USP43: variants seen among roughly 807,000 people sequenced by gnomAD.
USP43 encodes the protein ubiquitin specific peptidase 43.
A neutral mutation model predicts 90.7 loss-of-function variants in USP43; 33 were observed. The observed-to-expected ratio is 0.36, with a 90% confidence interval of 0.28 to 0.49. The LOEUF is 0.49. Among genes scored for constraint, USP43 ranks in the 20% least tolerant of loss-of-function variants. The pLI, the probability that USP43 is intolerant of heterozygous loss-of-function variation, is 0.98. For synonymous variants in USP43, 598 were observed against 615.8 expected, an observed-to-expected ratio of 0.97 and a Z score of 0.43; for missense variants, 1,274 against 1,476.4, an observed-to-expected ratio of 0.86 and a Z score of 2.25.
rs144072043 is a variant in USP43 at position 9,679,785 on chromosome 17, G to C, written c.970-446G>C. On this transcript the variant is annotated intron_variant, in intron 5 of 14. Coordinates refer to ENST00000285199, the MANE Select transcript of USP43 (RefSeq NM_153210.5). The stretch of plus-strand genomic sequence containing the variant: ...GGGTAACAGAGTTGGGTCTAGGGCA[G>C]TCAGGGCCCCCACAGTAGTCACCCC... Among the ~76,000 whole-genome samples the C allele has an allele frequency of 3.4e-3, 519 of 152,218 alleles. 5 individuals are homozygous for C. Among genetic ancestry groups the C allele is most frequent in the African/African-American group, 0.012 (497 of 41,544 alleles).
chr17:9,655,084 GAAAAAA>G (rs57985388), intron 1 of USP43, among the ~76,000 whole-genome samples: 5 of 37,326 alleles, frequency 1.3e-4, no homozygotes, highest in Non-Finnish European at 2.0e-4. Flanking sequence ...AGAAAGAAAG[GAAAAAA>G]AAAAAAAAAA....
chr17:9,713,122 ACT>A (rs1352213436), intron 14 of USP43, among the ~76,000 whole-genome samples: 1 of 151,704 alleles, frequency 6.6e-6, no homozygotes, highest in African/African-American at 2.4e-5. Context: ...ACAGAGTCTC[ACT>A]CTGTCGCAGG....
intron 9 of USP43, among the ~76,000 whole-genome samples, chr17:9,698,810 A>G (rs1489745599): frequency 1.3e-5 from 2 of 152,216 alleles, no homozygotes; most frequent in Admixed American, 1.3e-4. Flanking sequence ...AAAGAGATGT[A>G]AATTTTAGGT....
intron 9 of USP43, among the ~76,000 whole-genome samples, chr17:9,698,941 G>A (rs1915417435): frequency 1.3e-5 from 2 of 152,312 alleles, no homozygotes; most frequent in East Asian, 3.9e-4. Flanking sequence ...TCTCCCCAAT[G>A]GCAGGTCTCC....
chr17:9,710,101 C>T lies in USP43; in HGVS notation c.2157C>T (p.Ser719=), dbSNP rs750748056. The T allele has an allele frequency of 2.0e-6, 3 of 1,515,516 alleles. No individual in the cohort carries two copies. The highest frequency in any genetic ancestry group is 5.0e-5 in the East Asian group (2 of 39,796). The allele number at this position is 1,515,516 out of a possible 1,614,324, so 93.9% of individuals were successfully genotyped here. ...ACAGCATCCCTCCCTGGTCAGCCAG[C>T]AGCTCCATGAGAGGTAGGTGCTGCT... is the stretch of plus-strand genomic sequence containing the variant. The part of the protein sequence containing the change: ...KRNSIPPWSA[S]SSMRGSTSSS... The change falls in exon 13 of 15, where the codon AGC becomes AGT. Residue 719 remains serine (S), a synonymous_variant. Coordinates refer to ENST00000285199, the MANE Select transcript of USP43 (RefSeq NM_153210.5).
chr17:9,720,041 T>C (rs111300777), intron 14 of USP43, among the ~76,000 whole-genome samples: 1,729 of 152,042 alleles, frequency 0.011, 41 homozygotes, highest in African/African-American at 0.04. Flanking sequence ...TGCTCCAGCC[T>C]GGGTGACAGA....
chr17:9,681,616 C>T (rs1433696947), intron 6 of USP43, among the ~76,000 whole-genome samples: 1 of 149,042 alleles, frequency 6.7e-6, no homozygotes, highest in Non-Finnish European at 1.5e-5. Context: ...GCCTCAGCCT[C>T]CCAAGTAGCT....
chr17:9,721,420 T>C (rs1567684966), intron 14 of USP43, among the ~76,000 whole-genome samples: 2 of 152,206 alleles, frequency 1.3e-5, no homozygotes, highest in African/African-American at 2.4e-5. Flanking sequence ...TTTTGTGGAT[T>C]GTGATCCAAG....
In USP43 at chr17:9,728,467, A is replaced by G; in HGVS notation, c.2849A>G (p.Gln950Arg). The G allele has an allele frequency of 6.2e-7, 1 of 1,613,572 alleles. No individual in the cohort carries two copies. The highest frequency in any genetic ancestry group is 1.3e-5 in the African/African-American group (1 of 75,062). The change falls in exon 15 of 15, where the codon CAG becomes CGG. Residue 950 changes from glutamine to arginine, a missense_variant. Coordinates refer to ENST00000285199, the MANE Select transcript of USP43 (RefSeq NM_153210.5). This position sits in a 1 kb window ranked among gnomAD's most constrained non-coding sequence, Gnocchi z 6.2. The part of the protein sequence containing the change: ...EHEKPARPEG[Q>R]KAMNWKESFQ... Reference sequence around the variant, plus strand: ...GAGAAACCAGCTCGACCGGAGGGCCAGAAGGCCATGAACTGGAAGGAGAGC... The same window carrying G: ...GAGAAACCAGCTCGACCGGAGGGCCGGAAGGCCATGAACTGGAAGGAGAGC...
At position 9,681,462 on chromosome 17, in the gene USP43, T is replaced by TCATA. The variant is rs1555550104; in HGVS notation, c.1105+1096_1105+1097insCATA. ...TATAGATAAATATATATAAAATATA[T>TCATA]TATATATATATATATATATATATAT... On this transcript the variant is annotated intron_variant, in intron 6 of 14. Coordinates refer to ENST00000285199, the MANE Select transcript of USP43 (RefSeq NM_153210.5). Among the ~76,000 whole-genome samples, 27 of 18,582 alleles carry TCATA rather than the reference T, an allele frequency of 1.5e-3. No individual in the cohort carries two copies. In the Admixed American group the frequency reaches 0.017, roughly 12 times the overall value. The allele number at this position is 18,582 out of a possible 152,430, so 12.2% of individuals were successfully genotyped here.
chr17:9,679,589 G>T (rs539060373), intron 5 of USP43, among the ~76,000 whole-genome samples: 2 of 140,872 alleles, frequency 1.4e-5, no homozygotes, highest in African/African-American at 5.3e-5. Context: ...GCAGTGGCAC[G>T]ATCTCGGCTC....
chr17:9,645,930 G>C lies in USP43; in HGVS notation c.298G>C (p.Ala100Pro), dbSNP rs1418556683. 6.8e-7 allele frequency: 1 copy of C among 1,476,452 alleles called. No homozygotes were observed. The highest frequency in any genetic ancestry group is 9.0e-7 in the Non-Finnish European group (1 of 1,116,736). 91.5% of individuals were successfully genotyped at this position (1,476,452 alleles called of 1,614,324 possible). A position where few individuals can be genotyped will look rare whatever the true frequency, so the allele number is the denominator to read the frequency against. ...CGGCGATGGGGCGCGGCCGCCGGGC[G>C]CTCAGGGCTTGAAGAACCACGGCAA... ...PAGDGARPPGAQGLKNHGNTC... is the reference protein window; with the variant it reads ...PAGDGARPPGPQGLKNHGNTC... Residue 100 changes from alanine to proline, a missense_variant, in exon 1 of 15, where the codon GCT becomes CCT. Ala to Pro is a conservative substitution (Grantham distance 27, BLOSUM62 -1). Transcript: ENST00000285199. The surrounding 1 kb of genome is among the most constrained non-coding windows in gnomAD (Gnocchi z 6.8).
intron 2 of USP43, among the ~76,000 whole-genome samples, chr17:9,657,891 T>C (rs1912373917): frequency 6.6e-6 from 1 of 150,640 alleles, no homozygotes. Context: ...TTTAACAACA[T>C]CTGTGAATAA....
At chr17:9,704,046 T>C (rs375606481) in intron 12 of USP43, among the ~76,000 whole-genome samples, 7 of 152,168 alleles carry the variant, frequency 4.6e-5, no homozygotes, top group African/African-American at 1.7e-4. Flanking sequence ...TCAGCAATGT[T>C]GCTCCGTGTG....
intron 14 of USP43, among the ~76,000 whole-genome samples, chr17:9,721,890 C>T (rs1314543437): frequency 1.4e-5 from 2 of 140,444 alleles, no homozygotes; most frequent in Admixed American, 7.1e-5. Context: ...GCCACCACAC[C>T]CAGCTAATTT....
At chr17:9,693,065 G>C (rs1915052600) in intron 8 of USP43, 62 bp from the exon 9 acceptor site, 3 of 1,224,346 alleles carry the variant, frequency 2.5e-6, no homozygotes, top group African/African-American at 3.0e-5. Context: ...CGCCCCTTTA[G>C]AGTCTAATTT....
At chr17:9,698,413 C>A (rs1440322983) in intron 9 of USP43, among the ~76,000 whole-genome samples, 1 of 152,228 alleles carries the variant, frequency 6.6e-6, no homozygotes, top group Non-Finnish European at 1.5e-5. Context: ...CCTGCCCCAT[C>A]TGTCCTCCAG....
intron 5 of USP43, among the ~76,000 whole-genome samples, chr17:9,678,160 A>G (rs1376198215): frequency 6.6e-6 from 1 of 152,128 alleles, no homozygotes; most frequent in East Asian, 1.9e-4. Flanking sequence ...TAAGAGTGTG[A>G]AAAATCTGGC....
At position 9,674,997 on chromosome 17, in the gene USP43, G is replaced by A. The variant is rs1228443728; in HGVS notation, c.833+14G>A. ...GCGCCAGACGAGGTACGTGAGTGTC[G>A]CGGCTTGCCCGGTGAACTTGACTTC... On this transcript the variant is annotated intron_variant, in intron 4 of 14. Coordinates refer to ENST00000285199, the MANE Select transcript of USP43 (RefSeq NM_153210.5). The surrounding 1 kb of genome is among the most constrained non-coding windows in gnomAD (Gnocchi z 4.4). 24 of 1,610,284 alleles carry A rather than the reference G, an allele frequency of 1.5e-5. No homozygotes were observed. The highest frequency in any genetic ancestry group is 1.9e-5 in the Non-Finnish European group (22 of 1,176,696).
Sources: allele counts gnomAD v4.1 joint callset (sites outside exome capture counted in the v4.1 genomes callset), GRCh38; gene constraint gnomAD v4.1.1; non-coding constraint Gnocchi (gnomAD v3.1); transcripts MANE v1.5; gene names NCBI Gene and HGNC (gene_info 2026-07-23, HGNC 2026-07-21).